ZNF385D: variants seen among roughly 807,000 people sequenced by gnomAD.
The protein encoded by ZNF385D is zinc finger protein 659.
In ZNF385D, 15 loss-of-function variants were observed where a neutral mutation model predicts 35.8. The ratio of observed to expected loss-of-function variants is 0.42; its 90% CI spans 0.28 to 0.64. ZNF385D has a LOEUF of 0.64. Ranked by LOEUF, ZNF385D falls within the 30% of genes least tolerant of loss-of-function variation. ZNF385D has a pLI of 0.23. For synonymous variants in ZNF385D, 212 were observed against 186.8 expected, an observed-to-expected ratio of 1.13 and a Z score of -1.10; for missense variants, 474 against 494.6, an observed-to-expected ratio of 0.96 and a Z score of 0.39.
At chr3:22,307,148 G>A (rs1703271682) in intron 2 of ZNF385D, among the ~76,000 whole-genome samples, 1 of 152,054 alleles carries the variant, frequency 6.6e-6, no homozygotes, top group Non-Finnish European at 1.5e-5. Flanking sequence ...CCTAAAAAGG[G>A]GAGCAGACAA....
intron 3 of ZNF385D, among the ~76,000 whole-genome samples, chr3:21,968,799 T>C (rs999842440): frequency 3.9e-5 from 6 of 152,182 alleles, no homozygotes; most frequent in Admixed American, 2.0e-4. Flanking sequence ...TTCCAAGCTA[T>C]GTTAGCTAAA....
chr3:22,195,272 T>C lies in ZNF385D; in HGVS notation c.107-26237A>G, dbSNP rs148762758. On this transcript the variant is annotated intron_variant, in intron 2 of 5. Transcript: ENST00000494108. ...AACTCCTAGTTCAAAGGAAGAAACA[T>C]ATTTTAATGTGTTTACGTGTCATAC... Among the ~76,000 whole-genome samples, 1,007 of 152,128 alleles carry C rather than the reference T, an allele frequency of 6.6e-3. 13 individuals are homozygous for C. Among genetic ancestry groups the C allele is most frequent in the African/African-American group, 0.023 (952 of 41,560 alleles).
chr3:21,800,801 CATAAA>C (rs2072361306), intron 3 of ZNF385D, among the ~76,000 whole-genome samples: 1 of 152,034 alleles, frequency 6.6e-6, no homozygotes. Flanking sequence ...AGATTTTCTA[CATAAA>C]ATATTATGTT....
At chr3:21,930,985 T>G (rs1700976681) in intron 3 of ZNF385D, among the ~76,000 whole-genome samples, 2 of 152,106 alleles carry the variant, frequency 1.3e-5, no homozygotes, top group African/African-American at 4.8e-5. Flanking sequence ...AAGAAACTTC[T>G]GTGCTTTAAA....
chr3:21,570,888 T>A (rs141592333), intron 2 of ZNF385D, among the ~76,000 whole-genome samples: 29 of 152,238 alleles, frequency 1.9e-4, no homozygotes, highest in African/African-American at 6.7e-4. Context: ...TTACATTGAC[T>A]TTGACTTAGT....
chr3:21,482,974 T>C (rs1465881793), intron 4 of ZNF385D, among the ~76,000 whole-genome samples: 1 of 152,132 alleles, frequency 6.6e-6, no homozygotes, highest in Non-Finnish European at 1.5e-5. Flanking sequence ...CATTAGACAG[T>C]ATTATTAAAA....
intron 4 of ZNF385D, among the ~76,000 whole-genome samples, chr3:21,442,068 G>A (rs1340024325): frequency 6.6e-6 from 1 of 152,104 alleles, no homozygotes; most frequent in East Asian, 1.9e-4. Flanking sequence ...TATTCAAAGT[G>A]GCCCATTTGT....
intron 5 of ZNF385D, among the ~76,000 whole-genome samples, chr3:21,427,605 A>G (rs711732): frequency 0.33 from 49,757 of 152,044 alleles, 8,504 homozygotes; most frequent in Middle Eastern, 0.48. Context: ...AATTTAAGAG[A>G]TTTGGCCCCA....
intron 2 of ZNF385D, among the ~76,000 whole-genome samples, chr3:22,264,478 T>A (rs535569466): frequency 6.6e-6 from 1 of 152,024 alleles, no homozygotes; most frequent in Non-Finnish European, 1.5e-5. Context: ...GCCTAGAGGC[T>A]AATAGCAGAC....
At chr3:21,547,027 G>T (rs1383294283) in intron 3 of ZNF385D, among the ~76,000 whole-genome samples, 1 of 152,094 alleles carries the variant, frequency 6.6e-6, no homozygotes, top group East Asian at 1.9e-4. Context: ...TAAATGGGTA[G>T]CCATTCATCT....
chr3:22,115,491 T>C (rs986766854), intron 3 of ZNF385D, among the ~76,000 whole-genome samples: 3 of 152,070 alleles, frequency 2.0e-5, no homozygotes, highest in Non-Finnish European at 2.9e-5. Flanking sequence ...TTTAATTTTA[T>C]AGAGAATGAA....
chr3:21,492,589 C>T (rs550634652), intron 4 of ZNF385D, among the ~76,000 whole-genome samples: 139 of 151,660 alleles, frequency 9.2e-4, no homozygotes, highest in African/African-American at 3.3e-3. Flanking sequence ...TCGAGACTAG[C>T]CTGACCAATA....
chr3:21,896,492 C>T (rs1332804228), intron 3 of ZNF385D, among the ~76,000 whole-genome samples: 3 of 152,104 alleles, frequency 2.0e-5, no homozygotes, highest in African/African-American at 7.2e-5. Flanking sequence ...TAATTTTGAA[C>T]TGAATTATAT....
chr3:22,203,552 G>A (rs1490941659), intron 2 of ZNF385D, among the ~76,000 whole-genome samples: 1 of 152,084 alleles, frequency 6.6e-6, no homozygotes, highest in Non-Finnish European at 1.5e-5. Flanking sequence ...GGAGGCTCTT[G>A]GGATCTGCAG....
intron 3 of ZNF385D, among the ~76,000 whole-genome samples, chr3:22,112,843 G>A (rs530610108): frequency 6.8e-6 from 1 of 148,042 alleles, no homozygotes; most frequent in Non-Finnish European, 1.5e-5. Context: ...TCCTATGGGG[G>A]GGAAAAAAAA....
At chr3:22,071,224 A>G (rs1221267441) in intron 3 of ZNF385D, among the ~76,000 whole-genome samples, 5 of 152,302 alleles carry the variant, frequency 3.3e-5, no homozygotes, top group South Asian at 2.1e-4. Flanking sequence ...TGACATACAA[A>G]TAATATCCCA....
At chr3:22,149,268 G>C (rs1219345251) in intron 3 of ZNF385D, among the ~76,000 whole-genome samples, 1 of 152,066 alleles carries the variant, frequency 6.6e-6, no homozygotes, top group Admixed American at 6.6e-5. Flanking sequence ...TCCCAACCTT[G>C]ATTTTTCTTC....
At chr3:22,187,964 G>A (rs1203346971) in intron 2 of ZNF385D, among the ~76,000 whole-genome samples, 1 of 152,156 alleles carries the variant, frequency 6.6e-6, no homozygotes, top group Non-Finnish European at 1.5e-5. Flanking sequence ...CAAAGGGGAT[G>A]TTGCATGTCA....
At chr3:21,534,264 T>A (rs1414519623) in intron 3 of ZNF385D, among the ~76,000 whole-genome samples, 4 of 152,116 alleles carry the variant, frequency 2.6e-5, no homozygotes, top group African/African-American at 9.7e-5. Flanking sequence ...CTTTCTCATC[T>A]GAACTTGCAT....
Sources: gnomAD v4.1 joint callset for allele counts (sites outside exome capture counted in the v4.1 genomes callset) on GRCh38, gnomAD v4.1.1 for gene constraint, MANE v1.5 for transcripts, NCBI Gene and HGNC (gene_info 2026-07-23, HGNC 2026-07-21) for gene names.